DNAJC12: variants seen among roughly 807,000 people sequenced by gnomAD.
The protein encoded by DNAJC12 is DnaJ heat shock protein family (Hsp40) member C12.
In DNAJC12, 25 loss-of-function variants were observed where a neutral mutation model predicts 28.5. That is an observed-to-expected ratio of 0.88 (90% CI 0.64 to 1.22). The LOEUF is 1.22. Ranked by LOEUF, DNAJC12 falls within the 50% of genes most tolerant of loss-of-function variation. The pLI, the probability that DNAJC12 is intolerant of heterozygous loss-of-function variation, is 0.00. For synonymous variants in DNAJC12, 77 were observed against 80.6 expected (o/e 0.95, Z 0.24); for missense variants, 222 against 231.7 (o/e 0.96, Z 0.27).
chr10:67,812,688 CA>C (rs1172092515), intron 2 of DNAJC12, among the ~76,000 whole-genome samples: 8,214 of 95,584 alleles, frequency 0.086, 588 homozygotes, highest in African/African-American at 0.23. Flanking sequence ...GCTAAAAATA[CA>C]AAAAAAAAAA....
chr10:67,813,542 G>T (rs1405541470), intron 2 of DNAJC12, among the ~76,000 whole-genome samples: 1 of 151,296 alleles, frequency 6.6e-6, no homozygotes, highest in Non-Finnish European at 1.5e-5. Context: ...GAGGTCAGGA[G>T]TTCGAGACCA....
intron 4 of DNAJC12, among the ~76,000 whole-genome samples, chr10:67,798,485 G>T (rs12763908): frequency 1.3e-5 from 2 of 151,604 alleles, no homozygotes; most frequent in African/African-American, 2.4e-5. Context: ...TTCGAGACCA[G>T]CATAGGCAAC....
chr10:67,823,519 A>G (rs1263876047), intron 1 of DNAJC12, 127 bp from the exon 2 acceptor site: 8 of 684,478 alleles, frequency 1.2e-5, no homozygotes, highest in Non-Finnish European at 1.8e-5. Flanking sequence ...TGGACAACAA[A>G]GCAAGACCCA....
intron 1 of DNAJC12, among the ~76,000 whole-genome samples, chr10:67,834,599 C>A (rs912592835): frequency 6.6e-6 from 1 of 152,150 alleles, no homozygotes; most frequent in South Asian, 2.1e-4. Flanking sequence ...GAGGCCAAGG[C>A]GGCGGATCAC....
At chr10:67,837,803 T>C in intron 1 of DNAJC12, 131 bp downstream of exon 1, 2 of 629,466 alleles carry the variant, frequency 3.2e-6, no homozygotes, top group Non-Finnish European at 5.2e-6. Flanking sequence ...CCAAAAGTGC[T>C]TTAAAACAAC....
intron 3 of DNAJC12, among the ~76,000 whole-genome samples, chr10:67,810,189 T>G (rs1841845583): frequency 6.6e-6 from 1 of 152,082 alleles, no homozygotes; most frequent in Admixed American, 6.6e-5. Flanking sequence ...TGCCACATAC[T>G]TTTAAACCAT....
chr10:67,806,407 T>A (rs1288219032), intron 3 of DNAJC12, among the ~76,000 whole-genome samples: 1 of 152,148 alleles, frequency 6.6e-6, no homozygotes, highest in Non-Finnish European at 1.5e-5. Flanking sequence ...CAAAGAAGTG[T>A]CATCCTGAAT....
At chr10:67,815,323 AC>A (rs1458311114) in intron 2 of DNAJC12, among the ~76,000 whole-genome samples, 1 of 152,146 alleles carries the variant, frequency 6.6e-6, no homozygotes, top group African/African-American at 2.4e-5. Context: ...AGCCTGACCA[AC>A]ATAGAGAAAC....
At chr10:67,799,592 A>T (rs1841716767) in intron 4 of DNAJC12, among the ~76,000 whole-genome samples, 1 of 152,228 alleles carries the variant, frequency 6.6e-6, no homozygotes, top group Non-Finnish European at 1.5e-5. Flanking sequence ...GTTTAAAAAG[A>T]TGTAGTTTCT....
intron 4 of DNAJC12, among the ~76,000 whole-genome samples, chr10:67,799,788 C>T (rs1841720819): frequency 1.3e-5 from 2 of 150,334 alleles, no homozygotes; most frequent in Non-Finnish European, 1.5e-5. Context: ...GAGGCTGAGG[C>T]AGGAGAATCA....
intron 4 of DNAJC12, among the ~76,000 whole-genome samples, chr10:67,803,770 A>ACT (rs749828290): frequency 1.3e-5 from 2 of 152,130 alleles, no homozygotes; most frequent in Non-Finnish European, 2.9e-5. Flanking sequence ...GAGTGATTGT[A>ACT]CTCCTGTGTT....
intron 1 of DNAJC12, among the ~76,000 whole-genome samples, chr10:67,836,141 T>C (rs974937358): frequency 6.6e-6 from 1 of 151,286 alleles, no homozygotes; most frequent in African/African-American, 2.4e-5. Context: ...AAGTGGGAGA[T>C]GAACAATGAG....
At chr10:67,822,250 G>C (rs1217422337) in intron 2 of DNAJC12, among the ~76,000 whole-genome samples, 3 of 152,134 alleles carry the variant, frequency 2.0e-5, no homozygotes, top group Non-Finnish European at 4.4e-5. Flanking sequence ...GAGGCTGGAG[G>C]AGAACCATGA....
intron 2 of DNAJC12, among the ~76,000 whole-genome samples, chr10:67,821,595 A>T (rs1841981558): frequency 6.6e-6 from 1 of 152,144 alleles, no homozygotes; most frequent in Admixed American, 6.6e-5. Context: ...TTTCAATTGC[A>T]CTGGTAAAGT....
chr10:67,832,680 T>C (rs1842105964), intron 1 of DNAJC12, among the ~76,000 whole-genome samples: 1 of 152,162 alleles, frequency 6.6e-6, no homozygotes, highest in Non-Finnish European at 1.5e-5. Context: ...GCAAACACCA[T>C]AGTAGTAACT....
intron 2 of DNAJC12, among the ~76,000 whole-genome samples, chr10:67,819,759 GAAGGAAGGAAGGAAGGAAGGGGAA>G (rs1242275815): frequency 3.4e-4 from 7 of 20,802 alleles, no homozygotes; most frequent in African/African-American, 1.4e-3. Flanking sequence ...AGGAAGGAAG[GAAGGAAGGAAGGAAGGAAGGGGAA>G]GGAAGGAAGG....
Position 67,805,651 on chromosome 10 carries a change from T to C in DNAJC12, c.434A>G (p.Glu145Gly). Reference sequence around the variant, plus strand: ...CTTGGGTTCTTTCTGCTCCGTTTTCTCTGCGGTTGAAGCCAGCTCCTCTTT... The same window carrying C: ...CTTGGGTTCTTTCTGCTCCGTTTTCCCTGCGGTTGAAGCCAGCTCCTCTTT... ...RKKEELASTA[E>G]KTEQKEPKPL... is the part of the protein sequence containing the mutation. The change falls in exon 4 of 5, where the codon GAG (glutamate) becomes GGG (glycine). Residue 145 changes from glutamate (E) to glycine (G), a missense_variant. By Grantham distance (98) the Glu-to-Gly change is moderately conservative. Coordinates refer to ENST00000225171, the MANE Select transcript of DNAJC12 (RefSeq NM_021800.3). 1 of 1,613,860 alleles carries C rather than the reference T, an allele frequency of 6.2e-7. No individual in the cohort carries two copies. Among genetic ancestry groups the C allele is most frequent in the Non-Finnish European group, 8.5e-7 (1 of 1,179,926 alleles).
chr10:67,805,604 G>T lies in DNAJC12; in HGVS notation c.481C>A (p.Pro161Thr). The T allele has an allele frequency of 6.2e-7, 1 of 1,608,992 alleles. No homozygotes were observed. Among genetic ancestry groups the T allele is most frequent in the Non-Finnish European group, 8.5e-7 (1 of 1,178,486 alleles). The stretch of plus-strand genomic sequence containing the variant: ...TTACCTGAAGAATCTGAATTTTGCG[G>T]GGAGACTGACTTCTCTAGGGGCTTG... ...EPKPLEKSVS[P>T]QNSDSSGFAD... Residue 161 changes from proline (P) to threonine (T), a missense_variant, in exon 4 of 5, where the codon CCG (proline) becomes ACG (threonine). By Grantham distance (38) the Pro-to-Thr change is conservative. Transcript: ENST00000225171.
In DNAJC12 at chr10:67,838,042, G is replaced by A. The variant is rs754655447; in HGVS notation, c.-31C>T. 2.5e-5 allele frequency: 36 copies of A among 1,436,382 alleles called. No homozygotes were observed. The Middle Eastern group carries it at 2.1e-3, about 84-fold the overall frequency. The allele number at this position is 1,436,382 out of a possible 1,614,324, so 89.0% of individuals were successfully genotyped here. On this transcript the variant is annotated 5_prime_UTR_variant, in exon 1 of 5. Coordinates refer to ENST00000225171, the MANE Select transcript of DNAJC12 (RefSeq NM_021800.3). ...TGACTTAATCAGTCCTTCTTCCCTC[G>A]GAAACAAGAGGCACAGTGAGCTTCG...
Sources: allele counts gnomAD v4.1 joint callset (sites outside exome capture counted in the v4.1 genomes callset), GRCh38; gene constraint gnomAD v4.1.1; transcripts MANE v1.5; gene names NCBI Gene and HGNC (gene_info 2026-07-23, HGNC 2026-07-21).